EFCAB5: variants seen among roughly 807,000 people sequenced by gnomAD.
EFCAB5 encodes the protein EF-hand calcium-binding domain-containing protein 5.
In EFCAB5, 131 loss-of-function variants were observed where a neutral mutation model predicts 167.9. That is an observed-to-expected ratio of 0.78 (90% CI 0.68 to 0.90). The LOEUF is 0.90. EFCAB5 is among the 40% of genes least tolerant of loss of function. The probability of loss-of-function intolerance (pLI) is 0.00; values close to 1 mark genes in which losing one functional copy is unlikely to be tolerated. For missense variants in EFCAB5, 1,663 were observed against 1,745.2 expected, an observed-to-expected ratio of 0.95 and a Z score of 0.84; for synonymous variants, 574 against 602.8, an observed-to-expected ratio of 0.95 and a Z score of 0.70.
Position 30,053,729 on chromosome 17 carries a change from C to G in EFCAB5, c.1775C>G (p.Ser592Ter). The change falls in exon 10 of 23, where the codon TCA becomes TGA. Residue 592 changes from serine to a stop codon, truncating the protein, a stop_gained. Coordinates refer to ENST00000394835, the MANE Select transcript of EFCAB5 (RefSeq NM_198529.4). LOFTEE classifies it high-confidence loss of function. ...GAAGGACAAGGACCACGCAGAGTGTCAGTTTCAGAACAAGGATCAAGCAGA... is the reference window on the plus strand; with the variant it reads ...GAAGGACAAGGACCACGCAGAGTGTGAGTTTCAGAACAAGGATCAAGCAGA... ...SIEGQGPRRVSVSEQGSSRES... is the reference protein window; with the variant it reads ...SIEGQGPRRV 1 of 1,613,920 alleles carries G rather than the reference C, an allele frequency of 6.2e-7. No individual in the cohort carries two copies. The highest frequency in any genetic ancestry group is 8.5e-7 in the Non-Finnish European group (1 of 1,179,860).
intron 6 of EFCAB5, among the ~76,000 whole-genome samples, chr17:29,996,772 G>A (rs569546864): frequency 2.0e-5 from 3 of 152,048 alleles, no homozygotes; most frequent in Non-Finnish European, 2.9e-5. Flanking sequence ...CACTGCCTCC[G>A]TAAATTCCTT....
intron 20 of EFCAB5, among the ~76,000 whole-genome samples, 183 bp downstream of exon 20, chr17:30,090,857 C>G (rs2071182957): frequency 1.3e-5 from 2 of 152,198 alleles, no homozygotes; most frequent in African/African-American, 4.8e-5. Context: ...TTAAAGGAAA[C>G]AGCCTGGAAT....
chr17:29,953,723 A>T (rs2151542145), intron 3 of EFCAB5, among the ~76,000 whole-genome samples: 1 of 152,376 alleles, frequency 6.6e-6, no homozygotes, highest in Admixed American at 6.5e-5. Flanking sequence ...TACTGTAAAT[A>T]TACCCAGAAA....
At chr17:30,007,234 A>G (rs2068791278) in intron 7 of EFCAB5, among the ~76,000 whole-genome samples, 2 of 152,176 alleles carry the variant, frequency 1.3e-5, no homozygotes, top group South Asian at 4.1e-4. Context: ...CAGTGGATAA[A>G]TTAGAAGTGG....
intron 14 of EFCAB5, chr17:30,073,895 TA>T: frequency 1.1e-4 from 35 of 307,994 alleles, no homozygotes; most frequent in East Asian, 2.0e-4. Flanking sequence ...AACCATCTCT[TA>T]AAAAAAATAA....
chr17:30,057,651 C>T, intron 12 of EFCAB5, 25 bp from the exon 13 acceptor site: 1 of 1,594,622 alleles, frequency 6.3e-7, no homozygotes. Context: ...CACTTTACTG[C>T]TTGGTAATGT....
intron 22 of EFCAB5, among the ~76,000 whole-genome samples, chr17:30,099,998 A>G (rs55971458): frequency 0.38 from 58,241 of 151,834 alleles, 13,700 homozygotes; most frequent in East Asian, 0.81. Context: ...TTCAGTCTTC[A>G]AAATCCCTAT....
At chr17:30,027,221 G>A (rs563586500) in intron 7 of EFCAB5, among the ~76,000 whole-genome samples, 3 of 148,198 alleles carry the variant, frequency 2.0e-5, no homozygotes, top group Admixed American at 1.4e-4. Flanking sequence ...TCCTGACCTC[G>A]TGATTTGCCC....
At position 30,027,017 on chromosome 17, in the gene EFCAB5, C is replaced by T. The variant is rs1211442877; in HGVS notation, c.1045-7213C>T. 2.1e-4 allele frequency among the ~76,000 whole-genome samples: 22 copies of T among 106,166 alleles called. No individual in the cohort carries two copies. The East Asian group carries it at 6.9e-3, about 33-fold the overall frequency. 69.6% of individuals were successfully genotyped at this position (106,166 alleles called of 152,430 possible). On this transcript the variant is annotated intron_variant, in intron 7 of 22. Transcript: ENST00000394835. ...TTTTTTTTTTTTTGAGATGGAGTCTCGCTCTGTCGCCCAGGCTGGAGTGCA... is the reference window on the plus strand; with the variant it reads ...TTTTTTTTTTTTTGAGATGGAGTCTTGCTCTGTCGCCCAGGCTGGAGTGCA...
chr17:30,082,815 GTAATCCAATTACTATATTAC>G, intron 17 of EFCAB5, 56 bp from the exon 18 acceptor site: 1 of 1,392,228 alleles, frequency 7.2e-7, no homozygotes, highest in Non-Finnish European at 9.6e-7. Context: ...ACTGGTAAAG[GTAATCCAATTACTATATTAC>G]TAATTATTTT....
chr17:30,052,258 A>G (rs1344024477), intron 9 of EFCAB5, among the ~76,000 whole-genome samples: 1 of 152,080 alleles, frequency 6.6e-6, no homozygotes, highest in Admixed American at 6.6e-5. Context: ...TCTGCCTCCC[A>G]GGTTCAAGCG....
At chr17:29,945,521 G>A (rs2067380124) in intron 3 of EFCAB5, among the ~76,000 whole-genome samples, 1 of 151,784 alleles carries the variant, frequency 6.6e-6, no homozygotes, top group African/African-American at 2.4e-5. Flanking sequence ...AGACCAGCCT[G>A]GGCAACACAG....
At chr17:29,962,615 C>T (rs11652593) in intron 3 of EFCAB5, among the ~76,000 whole-genome samples, 13,290 of 146,372 alleles carry the variant, frequency 0.091, 749 homozygotes, top group Admixed American at 0.14. Context: ...ACTACGGGTA[C>T]GTGCCACCAT....
intron 8 of EFCAB5, among the ~76,000 whole-genome samples, chr17:30,039,210 A>G (rs1475534078): frequency 6.6e-6 from 1 of 152,068 alleles, no homozygotes; most frequent in Non-Finnish European, 1.5e-5. Flanking sequence ...GAAGGACCCT[A>G]CCTCGTGCTG....
rs959195786 is a variant in EFCAB5 at position 29,999,855 on chromosome 17, A to T, written c.974-51A>T. Reference sequence around the variant, plus strand: ...TAAAGCACTATAGTATAAATATCAAATATATATTACAACCTAACTAACTAG... The same window carrying T: ...TAAAGCACTATAGTATAAATATCAATTATATATTACAACCTAACTAACTAG... On this transcript the variant is annotated intron_variant, in intron 6 of 22. Transcript: ENST00000394835. 3.0e-6 allele frequency: 4 copies of T among 1,317,842 alleles called. No homozygotes were observed. The African/African-American group carries it at 5.9e-5, about 20-fold the overall frequency. 81.6% of individuals were successfully genotyped at this position (1,317,842 alleles called of 1,614,324 possible).
chr17:30,054,506 G>T (rs2070198580), intron 10 of EFCAB5, among the ~76,000 whole-genome samples: 1 of 152,134 alleles, frequency 6.6e-6, no homozygotes, highest in Admixed American at 6.5e-5. Flanking sequence ...TATTTCAACT[G>T]TAAATGGGTC....
upstream of EFCAB5, among the ~76,000 whole-genome samples, chr17:29,937,753 G>C (rs1383823615): frequency 6.6e-6 from 1 of 152,112 alleles, no homozygotes; most frequent in Non-Finnish European, 1.5e-5. Flanking sequence ...CCACAGGGTG[G>C]TTCTATAGCC....
intron 7 of EFCAB5, 79 bp downstream of exon 7, chr17:30,000,055 T>C: frequency 9.9e-7 from 1 of 1,008,422 alleles, no homozygotes; most frequent in Non-Finnish European, 1.5e-6. Context: ...TCACACATCA[T>C]TAAATTAGTA....
At chr17:30,024,369 G>T (rs2069260185) in intron 7 of EFCAB5, among the ~76,000 whole-genome samples, 1 of 152,088 alleles carries the variant, frequency 6.6e-6, no homozygotes, top group African/African-American at 2.4e-5. Context: ...AAAATAACAA[G>T]CATTCTTATA....
Sources: gnomAD v4.1 joint callset for allele counts (sites outside exome capture counted in the v4.1 genomes callset) on GRCh38, gnomAD v4.1.1 for gene constraint, MANE v1.5 for transcripts, NCBI Gene and HGNC (gene_info 2026-07-23, HGNC 2026-07-21) for gene names.